Variants in HAAO observed in about 807,000 individuals in gnomAD.
HAAO encodes 3-hydroxyanthranilate 3,4-dioxygenase, also known as 3-hydroxyanthranilate oxygenase.
HAAO carries 49 observed loss-of-function variants against 46.2 expected under a neutral mutation model. The observed-to-expected ratio is 1.06, with a 90% CI of 0.84 to 1.34. HAAO has a LOEUF of 1.34. Ranked by LOEUF, HAAO falls within the 40% of genes most tolerant of loss-of-function variation. The pLI, the probability that HAAO is intolerant of heterozygous loss-of-function variation, is 0.00. For synonymous variants in HAAO, 157 were observed against 145.2 expected (o/e 1.08, Z -0.58); for missense variants, 408 against 364.5 (o/e 1.12, Z -0.97).
chr2:42,770,601 G>C lies in HAAO; in HGVS notation c.351-19C>G. On this transcript the variant is annotated intron_variant, in intron 4 of 9. Transcript: ENST00000294973. ...ATAGTACCTGCCAGAGCAGAGGACA[G>C]GCAACCCTGCTGTCCCCATCTGGGT... 2.0e-6 allele frequency: 3 copies of C among 1,518,562 alleles called. No individual in the cohort carries two copies. 94.1% of individuals were successfully genotyped at this position (1,518,562 alleles called of 1,614,324 possible).
intron 4 of HAAO, among the ~76,000 whole-genome samples, chr2:42,772,997 G>A (rs1392326530): frequency 6.7e-6 from 1 of 149,390 alleles, no homozygotes. Flanking sequence ...CTATTTCCCT[G>A]AGCAATAGGT....
intron 4 of HAAO, among the ~76,000 whole-genome samples, chr2:42,772,177 T>A (rs1671177126): frequency 6.6e-6 from 1 of 152,126 alleles, no homozygotes; most frequent in African/African-American, 2.4e-5. Flanking sequence ...TTTGAAAAGA[T>A]TTAATAGTGT....
chr2:42,771,227 A>C, intron 4 of HAAO, among the ~76,000 whole-genome samples: 1 of 151,282 alleles, frequency 6.6e-6, no homozygotes, highest in Middle Eastern at 3.4e-3. Context: ...AAATAATAAT[A>C]ATAATAAATA....
chr2:42,785,487 G>T (rs933919747), intron 2 of HAAO, among the ~76,000 whole-genome samples: 2 of 152,140 alleles, frequency 1.3e-5, no homozygotes, highest in African/African-American at 4.8e-5. Flanking sequence ...GGCCCTCTGC[G>T]TGGTGGGATT....
intron 2 of HAAO, among the ~76,000 whole-genome samples, chr2:42,788,143 C>T (rs892071993): frequency 6.6e-6 from 1 of 152,216 alleles, no homozygotes; most frequent in East Asian, 1.9e-4. Flanking sequence ...ACTTTGCCCC[C>T]GTCTGCGGGG....
intron 4 of HAAO, among the ~76,000 whole-genome samples, chr2:42,771,359 G>A (rs185968890): frequency 1.4e-3 from 207 of 151,836 alleles, no homozygotes; most frequent in Admixed American, 4.4e-3. Flanking sequence ...ACCGGGAAGC[G>A]GAGGTTGCAG....
chr2:42,769,658 C>G, intron 7 of HAAO, 55 bp downstream of exon 7: 1 of 1,509,960 alleles, frequency 6.6e-7, no homozygotes, highest in Non-Finnish European at 9.0e-7. Flanking sequence ...AGACTGGTTC[C>G]CATTTTCCAG....
intron 4 of HAAO, among the ~76,000 whole-genome samples, chr2:42,771,584 T>C (rs926799997): frequency 1.3e-5 from 2 of 152,196 alleles, no homozygotes; most frequent in Non-Finnish European, 2.9e-5. Flanking sequence ...CATGTACATG[T>C]ACATATAGCC....
chr2:42,781,498 G>A (rs1671995764), intron 4 of HAAO, among the ~76,000 whole-genome samples: 1 of 151,942 alleles, frequency 6.6e-6, no homozygotes, highest in African/African-American at 2.4e-5. Flanking sequence ...GGCTAGGCTT[G>A]GCTTTAAAAA....
intron 4 of HAAO, among the ~76,000 whole-genome samples, chr2:42,779,505 A>C (rs1036863363): frequency 6.6e-6 from 1 of 152,116 alleles, no homozygotes; most frequent in Non-Finnish European, 1.5e-5. Context: ...TATTTTTGGT[A>C]GAGGCGGGGT....
At chr2:42,788,159 T>C (rs981891110) in intron 2 of HAAO, among the ~76,000 whole-genome samples, 1 of 152,116 alleles carries the variant, frequency 6.6e-6, no homozygotes, top group Non-Finnish European at 1.5e-5. Context: ...CGGGGGAGGA[T>C]CTCATTTTGG....
chr2:42,767,204 C>T lies in HAAO; in HGVS notation c.*233G>A, dbSNP rs1670727018. The T allele has an allele frequency of 1.7e-6, 1 of 600,162 alleles. No individual in the cohort carries two copies. The highest frequency in any genetic ancestry group is 2.8e-5 in the East Asian group (1 of 36,050). 37.2% of individuals were successfully genotyped at this position (600,162 alleles called of 1,614,324 possible). A position where few individuals can be genotyped will look rare whatever the true frequency, so the allele number is the denominator to read the frequency against. ...GCCGGGGGTAGACCACCTGGCAAGA[C>T]TGGCAAGGCAGTGGGCTGAGTCTGC... On this transcript the variant is annotated 3_prime_UTR_variant, in exon 10 of 10. Transcript: ENST00000294973.
intron 2 of HAAO, among the ~76,000 whole-genome samples, chr2:42,784,733 A>C (rs1672267657): frequency 1.3e-5 from 2 of 152,180 alleles, no homozygotes; most frequent in African/African-American, 2.4e-5. Flanking sequence ...AGAGAAACCA[A>C]GCTGACCTCG....
At chr2:42,790,757 C>G (rs1672736871) in intron 1 of HAAO, among the ~76,000 whole-genome samples, 1 of 152,106 alleles carries the variant, frequency 6.6e-6, no homozygotes, top group Non-Finnish European at 1.5e-5. Flanking sequence ...GTCTTGAACT[C>G]CTGACCCCAA....
intron 2 of HAAO, among the ~76,000 whole-genome samples, chr2:42,787,145 C>G (rs1672449093): frequency 6.6e-6 from 1 of 152,220 alleles, no homozygotes; most frequent in African/African-American, 2.4e-5. Context: ...TGCTGGCCAG[C>G]TCTCCTTATC....
At chr2:42,781,206 A>G (rs4952935) in intron 4 of HAAO, among the ~76,000 whole-genome samples, 120,659 of 152,234 alleles carry the variant, frequency 0.79, 48,119 homozygotes, top group Middle Eastern at 0.93. Flanking sequence ...ATACAGTTAT[A>G]TGCATAAGTG....
intron 4 of HAAO, 40 bp from the exon 5 acceptor site, chr2:42,770,622 T>C: frequency 7.1e-7 from 1 of 1,412,708 alleles, no homozygotes. Context: ...TGTCCCCATC[T>C]GGGTGGCTTC....
At chr2:42,780,718 T>G (rs1349913945) in intron 4 of HAAO, among the ~76,000 whole-genome samples, 1 of 151,602 alleles carries the variant, frequency 6.6e-6, no homozygotes. Context: ...TTTTATTTTG[T>G]TTTTTTTCAG....
chr2:42,772,437 T>G (rs1671206377), intron 4 of HAAO, among the ~76,000 whole-genome samples: 1 of 149,616 alleles, frequency 6.7e-6, no homozygotes, highest in Admixed American at 6.7e-5. Flanking sequence ...GCCGAGATTG[T>G]ACCACTGCAC....
Sources: gnomAD v4.1 joint callset for allele counts (sites outside exome capture counted in the v4.1 genomes callset) on GRCh38, gnomAD v4.1.1 for gene constraint, MANE v1.5 for transcripts, NCBI Gene and HGNC (gene_info 2026-07-23, HGNC 2026-07-21) for gene names.